The following SORCS2 variants were observed in gnomAD, a reference collection of about 807,000 sequenced individuals.
The protein encoded by SORCS2 is sortilin related VPS10 domain containing receptor 2, also known as VPS10 domain-containing receptor SorCS2.
SORCS2 carries 100 observed loss-of-function variants against 141.6 expected under a neutral mutation model. The ratio of observed to expected loss-of-function variants is 0.71; its 90% CI spans 0.60 to 0.83. The LOEUF (loss-of-function observed/expected upper bound fraction) is 0.83, where lower values mean the gene tolerates loss of function less well. Among genes scored for constraint, SORCS2 ranks in the 40% least tolerant of loss-of-function variants. The pLI is 0.00. For synonymous variants in SORCS2, 789 were observed against 676.9 expected, an observed-to-expected ratio of 1.17 and a Z score of -2.57; for missense variants, 1,646 against 1,560.2, an observed-to-expected ratio of 1.05 and a Z score of -0.93.
chr4:7,671,054 C>T (rs1428401308), intron 8 of SORCS2, among the ~76,000 whole-genome samples: 1 of 152,096 alleles, frequency 6.6e-6, no homozygotes. Context: ...ATATATGGGA[C>T]AATGTAGAAA....
intron 2 of SORCS2, among the ~76,000 whole-genome samples, chr4:7,520,531 A>T (rs775044852): frequency 2.6e-5 from 4 of 152,130 alleles, no homozygotes; most frequent in Non-Finnish European, 5.9e-5. Context: ...AGTGAGTGTC[A>T]CAGCCCCCAG....
intron 10 of SORCS2, among the ~76,000 whole-genome samples, chr4:7,685,598 G>A (rs1291008112): frequency 6.6e-6 from 1 of 152,294 alleles, no homozygotes; most frequent in Non-Finnish European, 1.5e-5. Flanking sequence ...TTGAACCTGG[G>A]AGGTGGAAGT....
At chr4:7,607,886 G>A (rs767704383) in intron 3 of SORCS2, among the ~76,000 whole-genome samples, 10 of 152,310 alleles carry the variant, frequency 6.6e-5, no homozygotes, top group South Asian at 2.1e-4. Context: ...ACCCCAGAGC[G>A]TCTTGGTGGC....
intron 1 of SORCS2, among the ~76,000 whole-genome samples, chr4:7,359,464 A>G (rs1310415677): frequency 6.6e-6 from 1 of 152,214 alleles, no homozygotes; most frequent in Non-Finnish European, 1.5e-5. Context: ...AAAGGCATTC[A>G]GGAAATGTGC....
At chr4:7,314,336 T>C (rs999318293) in intron 1 of SORCS2, among the ~76,000 whole-genome samples, 1 of 59,984 alleles carries the variant, frequency 1.7e-5, no homozygotes, top group Non-Finnish European at 3.8e-5. Flanking sequence ...TTTTTTATTT[T>C]TTTTATTTTT....
At chr4:7,312,084 C>T (rs1241373965) in intron 1 of SORCS2, among the ~76,000 whole-genome samples, 1 of 152,084 alleles carries the variant, frequency 6.6e-6, no homozygotes, top group Non-Finnish European at 1.5e-5. Context: ...ACCATGTTGG[C>T]CAGGATGGTC....
At chr4:7,370,705 C>T (rs1033945509) in intron 1 of SORCS2, among the ~76,000 whole-genome samples, 1 of 152,210 alleles carries the variant, frequency 6.6e-6, no homozygotes, top group African/African-American at 2.4e-5. Context: ...CGAGGCTCCA[C>T]AGCCCTGACA....
intron 2 of SORCS2, among the ~76,000 whole-genome samples, chr4:7,454,159 G>T (rs150428013): frequency 0.32 from 27,888 of 87,952 alleles, 3,643 homozygotes; most frequent in East Asian, 0.66. Flanking sequence ...GGGGTCAGGT[G>T]CTGTGTGTTG....
At chr4:7,667,267 G>T in intron 8 of SORCS2, 54 bp downstream of exon 8, 1 of 1,522,436 alleles carries the variant, frequency 6.6e-7, no homozygotes, top group South Asian at 1.1e-5. Context: ...AGCTTATCCT[G>T]ACTCATGGGG....
At chr4:7,729,745 T>A in intron 23 of SORCS2, 33 bp downstream of exon 23, 1 of 1,594,178 alleles carries the variant, frequency 6.3e-7, no homozygotes, top group Non-Finnish European at 8.6e-7. Flanking sequence ...TCCCAGGTCC[T>A]CCCTGCACAT....
intron 14 of SORCS2, among the ~76,000 whole-genome samples, chr4:7,708,853 C>T (rs1401317146): frequency 6.6e-6 from 1 of 152,180 alleles, no homozygotes; most frequent in East Asian, 1.9e-4. Flanking sequence ...GGGAGCCTGT[C>T]CTGTAAAAAT....
intron 1 of SORCS2, among the ~76,000 whole-genome samples, chr4:7,287,716 G>C (rs1046014922): frequency 4.7e-4 from 72 of 152,324 alleles, no homozygotes; most frequent in Non-Finnish European, 4.4e-4. Flanking sequence ...TTGACTGAGA[G>C]AACAGCCCAG....
At chr4:7,604,895 C>A (rs1341468510) in intron 3 of SORCS2, among the ~76,000 whole-genome samples, 1 of 152,188 alleles carries the variant, frequency 6.6e-6, no homozygotes, top group African/African-American at 2.4e-5. Context: ...TCTAAGCTGG[C>A]TCCTCTCCTT....
At chr4:7,208,755 C>T (rs1010763644) in intron 1 of SORCS2, among the ~76,000 whole-genome samples, 14 of 152,232 alleles carry the variant, frequency 9.2e-5, no homozygotes, top group Non-Finnish European at 1.8e-4. Flanking sequence ...GCACCCCTCT[C>T]TCTAGTCCTA....
chr4:7,350,462 C>G (rs1720875589), intron 1 of SORCS2, among the ~76,000 whole-genome samples: 1 of 152,244 alleles, frequency 6.6e-6, no homozygotes, highest in African/African-American at 2.4e-5. Flanking sequence ...GAATTTTGAC[C>G]TTTGATGTCC....
intron 3 of SORCS2, among the ~76,000 whole-genome samples, chr4:7,610,808 G>A (rs1005873904): frequency 1.3e-5 from 2 of 152,210 alleles, no homozygotes; most frequent in African/African-American, 2.4e-5. Flanking sequence ...AGTCCCGGGA[G>A]CCAAGGTGGG....
chr4:7,596,829 G>A (rs1717306225), intron 3 of SORCS2, among the ~76,000 whole-genome samples: 1 of 152,122 alleles, frequency 6.6e-6, no homozygotes, highest in African/African-American at 2.4e-5. Flanking sequence ...GACTGCTCAG[G>A]CCACGCAGTG....
Position 7,240,213 on chromosome 4 carries a change from G to C in SORCS2, c.480+47087G>C, listed in dbSNP as rs1483376068. Among the ~76,000 whole-genome samples the C allele has an allele frequency of 2.0e-5, 3 of 152,194 alleles. No individual in the cohort carries two copies. In the South Asian group the frequency reaches 6.2e-4, roughly 31 times the overall value. ...CAGGGGAGCTTGCTGCAGGGGCAGA[G>C]AACAAAACACCAGGTACCTGCGGGT... On this transcript the variant is annotated intron_variant, in intron 1 of 26. Coordinates refer to ENST00000507866, the MANE Select transcript of SORCS2 (RefSeq NM_020777.3).
chr4:7,521,720 G>T (rs566029999), intron 2 of SORCS2, among the ~76,000 whole-genome samples: 2 of 152,286 alleles, frequency 1.3e-5, no homozygotes, highest in Admixed American at 1.3e-4. Flanking sequence ...TCCAGTCTGG[G>T]GTTCCCTTTG....
Sources: allele counts gnomAD v4.1 joint callset (sites outside exome capture counted in the v4.1 genomes callset), GRCh38; gene constraint gnomAD v4.1.1; transcripts MANE v1.5; gene names NCBI Gene and HGNC (gene_info 2026-07-23, HGNC 2026-07-21).